GPC6: variants seen among roughly 807,000 people sequenced by gnomAD.
GPC6 encodes glypican-6.
Under a neutral mutation model 55.2 loss-of-function variants are expected in GPC6, and 14 were observed. The ratio of observed to expected loss-of-function variants is 0.25; its 90% CI spans 0.17 to 0.40. GPC6 has a LOEUF of 0.40. Among genes scored for constraint, GPC6 ranks in the 10% least tolerant of loss-of-function variants. The probability of loss-of-function intolerance (pLI) is 1.00; values close to 1 mark genes in which losing one functional copy is unlikely to be tolerated. For synonymous variants in GPC6, 278 were observed against 259.6 expected (o/e 1.07, Z -0.68); for missense variants, 641 against 708.5 (o/e 0.90, Z 1.08).
rs560050559 is a variant in GPC6 at position 93,355,459 on chromosome 13, A to G, written c.160+127843A>G. The stretch of plus-strand genomic sequence containing the variant: ...CATTTGGGTTGGCCTTAAAGAATAA[A>G]TAGGGTTTGGGAGGTAAGAAGAGAA... On this transcript the variant is annotated intron_variant, in intron 1 of 8. Coordinates refer to ENST00000377047, the MANE Select transcript of GPC6 (RefSeq NM_005708.5). Among the ~76,000 whole-genome samples the G allele has an allele frequency of 5.3e-5, 8 of 152,316 alleles. No homozygotes were observed. In the South Asian group the frequency reaches 1.7e-3, roughly 32 times the overall value.
intron 3 of GPC6, among the ~76,000 whole-genome samples, chr13:93,940,282 A>T (rs1392730446): frequency 6.6e-6 from 1 of 152,032 alleles, no homozygotes; most frequent in African/African-American, 2.4e-5. Flanking sequence ...AGTTGCCTTC[A>T]CTATGTTCTC....
intron 1 of GPC6, among the ~76,000 whole-genome samples, chr13:93,311,948 A>C (rs1879082593): frequency 6.6e-6 from 1 of 152,204 alleles, no homozygotes; most frequent in South Asian, 2.1e-4. Flanking sequence ...ATGGGAGGTA[A>C]AAAAGAAAGA....
chr13:93,255,012 C>G (rs540422837), intron 1 of GPC6, among the ~76,000 whole-genome samples: 1 of 152,308 alleles, frequency 6.6e-6, no homozygotes, highest in South Asian at 2.1e-4. Flanking sequence ...GTTTCCAATC[C>G]GCTGCTCTTA....
At chr13:93,724,665 T>G (rs1883567141) in intron 2 of GPC6, among the ~76,000 whole-genome samples, 1 of 152,040 alleles carries the variant, frequency 6.6e-6, no homozygotes, top group Admixed American at 6.6e-5. Flanking sequence ...AAATAAAGAT[T>G]CAACACACCT....
chr13:93,282,271 A>G (rs559555558), intron 1 of GPC6, among the ~76,000 whole-genome samples: 20 of 152,292 alleles, frequency 1.3e-4, no homozygotes, highest in African/African-American at 4.6e-4. Context: ...CCTTGAGCTG[A>G]AGAGGCAAAC....
rs147374901 is a variant in GPC6 at position 93,831,734 on chromosome 13, G to A, written c.711+1189G>A. On this transcript the variant is annotated intron_variant, in intron 3 of 8. Transcript: ENST00000377047. ...ACAGAAAGATTATTTCTAGGAAGGC[G>A]CTGAAGGAAATAATTACAAGGGCTT... Among the ~76,000 whole-genome samples the A allele has an allele frequency of 2.9e-3, 445 of 152,046 alleles. 5 individuals are homozygous for A. Among genetic ancestry groups the A allele is most frequent in the African/African-American group, 1.0e-2 (414 of 41,470 alleles).
At chr13:93,475,525 T>G (rs967030404) in intron 1 of GPC6, among the ~76,000 whole-genome samples, 12 of 152,172 alleles carry the variant, frequency 7.9e-5, no homozygotes, top group African/African-American at 2.9e-4. Flanking sequence ...GGTGATGAGC[T>G]TTGAGTTGGA....
chr13:94,181,857 G>A (rs903205042), intron 4 of GPC6, among the ~76,000 whole-genome samples: 7 of 152,162 alleles, frequency 4.6e-5, no homozygotes, highest in African/African-American at 1.7e-4. Context: ...CTAAGTGCCT[G>A]GTGCTATACT....
intron 6 of GPC6, among the ~76,000 whole-genome samples, chr13:94,339,751 CTTTTTTTTTT>C (rs56074677): frequency 9.4e-4 from 60 of 63,812 alleles, no homozygotes; most frequent in Non-Finnish European, 1.3e-3. Context: ...GCATACTTTC[CTTTTTTTTTT>C]TTTTTTTTTT....
At chr13:94,214,476 T>C (rs528942541) in intron 4 of GPC6, among the ~76,000 whole-genome samples, 17 of 152,326 alleles carry the variant, frequency 1.1e-4, no homozygotes, top group Admixed American at 9.8e-4. Flanking sequence ...CTTGGTATTA[T>C]ATATTAGAAA....
intron 2 of GPC6, among the ~76,000 whole-genome samples, chr13:93,778,092 A>G (rs1268786335): frequency 6.6e-6 from 1 of 152,166 alleles, no homozygotes; most frequent in Non-Finnish European, 1.5e-5. Context: ...TTCATTTCCT[A>G]GCTGTCAATG....
intron 4 of GPC6, among the ~76,000 whole-genome samples, chr13:94,272,463 CTTTT>C (rs555664508): frequency 0.017 from 1,465 of 85,612 alleles, 10 homozygotes; most frequent in African/African-American, 0.076. Flanking sequence ...CTTTTCTTTT[CTTTT>C]TTTTTTTTTT....
At chr13:93,476,630 C>T (rs1879311821) in intron 1 of GPC6, among the ~76,000 whole-genome samples, 1 of 152,174 alleles carries the variant, frequency 6.6e-6, no homozygotes, top group Non-Finnish European at 1.5e-5. Flanking sequence ...TCCAAACTTT[C>T]ACATTTCTAT....
intron 2 of GPC6, among the ~76,000 whole-genome samples, chr13:93,687,963 G>C (rs1485804583): frequency 6.6e-6 from 1 of 151,386 alleles, no homozygotes; most frequent in Non-Finnish European, 1.5e-5. Flanking sequence ...GGCAGTCCAG[G>C]TATACTCAAG....
chr13:93,453,285 A>G (rs1878297529), intron 1 of GPC6, among the ~76,000 whole-genome samples: 1 of 152,100 alleles, frequency 6.6e-6, no homozygotes, highest in Non-Finnish European at 1.5e-5. Flanking sequence ...CCCTGTGTTT[A>G]ATGTGGCTTT....
At chr13:93,570,231 A>G (rs144737052) in intron 2 of GPC6, among the ~76,000 whole-genome samples, 3 of 152,310 alleles carry the variant, frequency 2.0e-5, no homozygotes, top group East Asian at 1.9e-4. Flanking sequence ...TGCAGCATAA[A>G]TGTCTATACT....
At chr13:94,147,316 A>G (rs1035977066) in intron 4 of GPC6, among the ~76,000 whole-genome samples, 2 of 152,080 alleles carry the variant, frequency 1.3e-5, no homozygotes, top group Non-Finnish European at 2.9e-5. Flanking sequence ...TTAGATGCAT[A>G]TACGGGTACT....
At chr13:94,199,188 A>G (rs1889676510) in intron 4 of GPC6, among the ~76,000 whole-genome samples, 1 of 152,240 alleles carries the variant, frequency 6.6e-6, no homozygotes, top group African/African-American at 2.4e-5. Flanking sequence ...TAGGCCTAAT[A>G]TCCTAGCTAA....
intron 2 of GPC6, among the ~76,000 whole-genome samples, chr13:93,751,315 A>G (rs902918745): frequency 1.5e-4 from 23 of 152,126 alleles, no homozygotes; most frequent in South Asian, 1.0e-3. Flanking sequence ...AGGATGTGCT[A>G]TACTTCATTG....
Sources: allele counts gnomAD v4.1 joint callset (sites outside exome capture counted in the v4.1 genomes callset), GRCh38; gene constraint gnomAD v4.1.1; transcripts MANE v1.5; gene names NCBI Gene and HGNC (gene_info 2026-07-23, HGNC 2026-07-21).